Variants in AGAP1 observed in about 807,000 individuals in gnomAD.
The protein encoded by AGAP1 is ArfGAP with GTPase domain, ankyrin repeat and PH domain 1, also known as arf-GAP with GTPase, ANK repeat and PH domain-containing protein 1.
Under a neutral mutation model 105.3 loss-of-function variants are expected in AGAP1, and 29 were observed. The observed-to-expected ratio is 0.28, with a 90% confidence interval of 0.21 to 0.38. The LOEUF is 0.38. Ranked by LOEUF, AGAP1 falls within the 10% of genes least tolerant of loss-of-function variation. The pLI is 1.00. For synonymous variants in AGAP1, 509 were observed against 485.9 expected (o/e 1.05, Z -0.63); for missense variants, 998 against 1,165.1 (o/e 0.86, Z 2.09).
At chr2:236,049,900 A>G (rs1359000554) in intron 16 of AGAP1, 1 of 152,350 alleles carries the variant, frequency 6.6e-6, no homozygotes, top group Non-Finnish European at 1.5e-5. Context: ...GTACACATGC[A>G]TATTTAATGT....
chr2:235,973,255 A>G lies in AGAP1; in HGVS notation c.1645+4632A>G, dbSNP rs1240922775. Among the ~76,000 whole-genome samples, 2 of 152,006 alleles carry G rather than the reference A, an allele frequency of 1.3e-5. No individual in the cohort carries two copies. Among genetic ancestry groups the G allele is most frequent in the Non-Finnish European group, 2.9e-5 (2 of 68,026 alleles). ...TGCACCAGATGGCAGAGGGTGTCAG[A>G]CCCCAGCCCAGGGAGAGCATTTATT... On this transcript the variant is annotated intron_variant, in intron 13 of 17. Transcript: ENST00000304032. The surrounding 1 kb of genome is among the most constrained non-coding windows in gnomAD (Gnocchi z 4.7).
At position 236,014,937 on chromosome 2, in the gene AGAP1, C is replaced by T; in HGVS notation, c.1646-21624C>T. 2.9e-6 allele frequency: 1 copy of T among 339,854 alleles called. No individual in the cohort carries two copies. The highest frequency in any genetic ancestry group is 2.3e-5 in the South Asian group (1 of 42,990). 21.1% of individuals were successfully genotyped at this position (339,854 alleles called of 1,614,324 possible). A position where few individuals can be genotyped will look rare whatever the true frequency, so the allele number is the denominator to read the frequency against. On this transcript the variant is annotated intron_variant, in intron 13 of 17. Coordinates refer to ENST00000304032, the MANE Select transcript of AGAP1 (RefSeq NM_001037131.3). The surrounding 1 kb of genome is among the most constrained non-coding windows in gnomAD (Gnocchi z 6.3). ...TCCACCTGCCTCTTCCCCTCTCATC[C>T]CCTGCCCGCCCCTTCCTTTCCAACA...
chr2:235,717,114 ACT>A (rs2149544993), intron 2 of AGAP1, among the ~76,000 whole-genome samples: 1 of 150,010 alleles, frequency 6.7e-6, no homozygotes, highest in African/African-American at 2.5e-5. Flanking sequence ...TCTACCCTAG[ACT>A]CATCCCCTAA....
rs933457220 is a variant in AGAP1, at chr2:235,797,353, T to C, written c.674-406T>C. On this transcript the variant is annotated intron_variant, in intron 6 of 17. Coordinates refer to ENST00000304032, the MANE Select transcript of AGAP1 (RefSeq NM_001037131.3). ...GGGGACCGGCTCTATCTGTCTCCCA[T>C]GTGGCTCCTGTTCCCAGTGTCGCCT... Among the ~76,000 whole-genome samples the C allele has an allele frequency of 4.6e-5, 7 of 152,262 alleles. No homozygotes were observed. In the East Asian group the frequency reaches 1.2e-3, roughly 25 times the overall value.
intron 11 of AGAP1, among the ~76,000 whole-genome samples, chr2:235,917,443 G>C (rs1360748296): frequency 6.6e-6 from 1 of 152,106 alleles, no homozygotes; most frequent in Non-Finnish European, 1.5e-5. Context: ...GATCGGACTT[G>C]CTCTTTCCTC....
At chr2:236,070,800 G>A (rs2058475904) in intron 16 of AGAP1, among the ~76,000 whole-genome samples, 1 of 152,176 alleles carries the variant, frequency 6.6e-6, no homozygotes, top group African/African-American at 2.4e-5. Flanking sequence ...CAGGGGGATG[G>A]GCAGTGCTTG....
intron 9 of AGAP1, among the ~76,000 whole-genome samples, chr2:235,831,537 AG>A (rs1240504540): frequency 1.3e-5 from 2 of 152,212 alleles, no homozygotes; most frequent in Non-Finnish European, 2.9e-5. Flanking sequence ...TTCCTTTGCC[AG>A]GATGCCATAG....
At chr2:235,704,234 A>G (rs565675031) in intron 1 of AGAP1, among the ~76,000 whole-genome samples, 6 of 152,322 alleles carry the variant, frequency 3.9e-5, no homozygotes, top group East Asian at 1.9e-4. Flanking sequence ...CTGTTTTCAC[A>G]TTTCTCAGAA....
chr2:236,114,171 A>G lies in AGAP1; in HGVS notation c.2115-6021A>G, dbSNP rs1170334404. Reference sequence around the variant, plus strand: ...AACGGTGATCCTCCCGGGGATTGGAATGAGGGGAGGTGATCTACTGCCGGC... The same window carrying G: ...AACGGTGATCCTCCCGGGGATTGGAGTGAGGGGAGGTGATCTACTGCCGGC... On this transcript the variant is annotated intron_variant, in intron 16 of 17. Coordinates refer to ENST00000304032, the MANE Select transcript of AGAP1 (RefSeq NM_001037131.3). The surrounding 1 kb of genome is among the most constrained non-coding windows in gnomAD (Gnocchi z 5.0). Among the ~76,000 whole-genome samples, 7 of 152,060 alleles carry G rather than the reference A, an allele frequency of 4.6e-5. No individual in the cohort carries two copies. The highest frequency in any genetic ancestry group is 4.6e-4 in the Admixed American group (7 of 15,266).
At position 235,619,233 on chromosome 2, in the gene AGAP1, T is replaced by G. The variant is rs1574975703; in HGVS notation, c.164-89946T>G. The stretch of plus-strand genomic sequence containing the variant: ...CAGTGGTAATAGGGAACTCACGCAG[T>G]AAGGACAGGGCGATCCCCACTTTAC... On this transcript the variant is annotated intron_variant, in intron 1 of 17. Transcript: ENST00000304032. Among the ~76,000 whole-genome samples, 3 of 152,198 alleles carry G rather than the reference T, an allele frequency of 2.0e-5. No homozygotes were observed. The East Asian group carries it at 5.8e-4, about 29-fold the overall frequency.
chr2:235,912,704 C>A (rs960572719), intron 11 of AGAP1, among the ~76,000 whole-genome samples: 1 of 152,190 alleles, frequency 6.6e-6, no homozygotes. Context: ...GTTCTTGATA[C>A]ACATTTCCAA....
chr2:235,644,841 G>A (rs1171378550), intron 1 of AGAP1, among the ~76,000 whole-genome samples: 1 of 152,058 alleles, frequency 6.6e-6, no homozygotes, highest in African/African-American at 2.4e-5. Context: ...TTTCAAGGAT[G>A]ACTTGCGTAG....
At chr2:236,004,042 C>T (rs909697019) in intron 13 of AGAP1, among the ~76,000 whole-genome samples, 8 of 152,136 alleles carry the variant, frequency 5.3e-5, no homozygotes, top group African/African-American at 7.2e-5. Flanking sequence ...ATGGGCACCT[C>T]GTATCTTGTG....
rs1217177937 is a variant in AGAP1 at position 236,082,672 on chromosome 2, G to A, written c.2114+33391G>A. Among the ~76,000 whole-genome samples, 2 of 151,924 alleles carry A rather than the reference G, an allele frequency of 1.3e-5. No individual in the cohort carries two copies. Among genetic ancestry groups the A allele is most frequent in the Non-Finnish European group, 2.9e-5 (2 of 67,964 alleles). Reference sequence around the variant, plus strand: ...GTGGATCACCTGAGGCCAGGAGTTTGAGACCAGCCTGGCCAACATGGCGAA... The same window carrying A: ...GTGGATCACCTGAGGCCAGGAGTTTAAGACCAGCCTGGCCAACATGGCGAA... On this transcript the variant is annotated intron_variant, in intron 16 of 17. Coordinates refer to ENST00000304032, the MANE Select transcript of AGAP1 (RefSeq NM_001037131.3). The surrounding 1 kb of genome is among the most constrained non-coding windows in gnomAD (Gnocchi z 4.2).
Position 236,002,349 on chromosome 2 carries a change from G to T in AGAP1, c.1645+33726G>T, listed in dbSNP as rs1314940406. The stretch of plus-strand genomic sequence containing the variant: ...AATATCATCCCCACCTGGACAGTCT[G>T]CAAATGACTTTCCTTCTTCCCTCAT... On this transcript the variant is annotated intron_variant, in intron 13 of 17. Transcript: ENST00000304032. This position sits in a 1 kb window ranked among gnomAD's most constrained non-coding sequence, Gnocchi z 4.3. Among the ~76,000 whole-genome samples, 1 of 152,160 alleles carries T rather than the reference G, an allele frequency of 6.6e-6. No individual in the cohort carries two copies. The highest frequency in any genetic ancestry group is 2.4e-5 in the African/African-American group (1 of 41,446).
At position 235,556,576 on chromosome 2, in the gene AGAP1, C is replaced by G. The variant is rs538861955; in HGVS notation, c.163+61727C>G. Among the ~76,000 whole-genome samples the G allele has an allele frequency of 6.6e-6, 1 of 152,338 alleles. No homozygotes were observed. The highest frequency in any genetic ancestry group is 2.4e-5 in the African/African-American group (1 of 41,576). ...CTTGGGGGAGGGAAGGCATCAGGAG[C>G]CTTCTGCTGAGTTCAGTGGAAGGTG... On this transcript the variant is annotated intron_variant, in intron 1 of 17. Transcript: ENST00000304032. This position sits in a 1 kb window ranked among gnomAD's most constrained non-coding sequence, Gnocchi z 5.3.
intron 1 of AGAP1, among the ~76,000 whole-genome samples, chr2:235,501,285 A>G (rs1941551181): frequency 6.6e-6 from 1 of 152,174 alleles, no homozygotes; most frequent in Non-Finnish European, 1.5e-5. Context: ...TTCTAGACTC[A>G]TTCTGTGGTT....
At position 235,865,331 on chromosome 2, in the gene AGAP1, C is replaced by T. The variant is rs893533209; in HGVS notation, c.1051-18014C>T. 2.0e-5 allele frequency among the ~76,000 whole-genome samples: 3 copies of T among 152,266 alleles called. No individual in the cohort carries two copies. Among genetic ancestry groups the T allele is most frequent in the East Asian group, 1.9e-4 (1 of 5,170 alleles). ...TAGACGCGGCTAATGACAGGAAGGTCGCGCGGGTGAGCTGACCTGTGTGTG... is the reference window on the plus strand; with the variant it reads ...TAGACGCGGCTAATGACAGGAAGGTTGCGCGGGTGAGCTGACCTGTGTGTG... On this transcript the variant is annotated intron_variant, in intron 9 of 17. Coordinates refer to ENST00000304032, the MANE Select transcript of AGAP1 (RefSeq NM_001037131.3). The surrounding 1 kb of genome is among the most constrained non-coding windows in gnomAD (Gnocchi z 6.2).
chr2:236,007,863 C>T (rs1476119667), intron 13 of AGAP1, among the ~76,000 whole-genome samples: 1 of 152,216 alleles, frequency 6.6e-6, no homozygotes, highest in Non-Finnish European at 1.5e-5. Context: ...GGAGAGGGGA[C>T]GTGAGAAGGG....
Sources: gnomAD v4.1 joint callset for allele counts (sites outside exome capture counted in the v4.1 genomes callset) on GRCh38, gnomAD v4.1.1 for gene constraint, Gnocchi (gnomAD v3.1) non-coding constraint, MANE v1.5 for transcripts, NCBI Gene and HGNC (gene_info 2026-07-23, HGNC 2026-07-21) for gene names.